Variants in SAE1 observed in about 807,000 individuals in gnomAD.
The protein encoded by SAE1 is SUMO-activating enzyme subunit 1.
Under a neutral mutation model 40.6 loss-of-function variants are expected in SAE1, and 11 were observed. The observed-to-expected ratio is 0.27, with a 90% CI of 0.17 to 0.45. The LOEUF (loss-of-function observed/expected upper bound fraction) is 0.45. Ranked by LOEUF, SAE1 falls within the 20% of genes least tolerant of loss-of-function variation. The pLI, the probability that SAE1 is intolerant of heterozygous loss-of-function variation, is 1.00. For synonymous variants in SAE1, 155 were observed against 154.3 expected, an observed-to-expected ratio of 1.00 and a Z score of -0.03; for missense variants, 373 against 427.3, an observed-to-expected ratio of 0.87 and a Z score of 1.12.
chr19:47,145,176 G>GT (rs1373628418), intron 2 of SAE1, among the ~76,000 whole-genome samples: 1 of 151,930 alleles, frequency 6.6e-6, no homozygotes, highest in Non-Finnish European at 1.5e-5. Context: ...CTAATTTAAC[G>GT]TTTTTAGTAG....
intron 6 of SAE1, among the ~76,000 whole-genome samples, chr19:47,194,324 T>C (rs930061130): frequency 6.6e-6 from 1 of 152,156 alleles, no homozygotes; most frequent in Admixed American, 6.6e-5. Flanking sequence ...GATGCTTCAG[T>C]CTGGGGTGGG....
rs2058707756 is a variant in SAE1, at chr19:47,210,358, C to A, written c.*1107C>A. On this transcript the variant is annotated 3_prime_UTR_variant, in exon 9 of 9. Transcript: ENST00000270225. ...CAGCAAGAGTTAAATTGTTCACATT[C>A]TAGAATGTGTAGAAGCTTCTGGCTC... 2 of 152,076 alleles carry A rather than the reference C, an allele frequency of 1.3e-5. No homozygotes were observed. Among genetic ancestry groups the A allele is most frequent in the South Asian group, 4.1e-4 (2 of 4,828 alleles). The allele number at this position is 152,076 out of a possible 1,614,324, so 9.4% of individuals were successfully genotyped here.
At chr19:47,158,754 T>G (rs1032667818) in intron 5 of SAE1, among the ~76,000 whole-genome samples, 13 of 152,182 alleles carry the variant, frequency 8.5e-5, no homozygotes, top group Admixed American at 1.3e-4. Flanking sequence ...GTTGTCCCCA[T>G]CTATAGCTGA....
chr19:47,167,215 A>G (rs2058399002), intron 5 of SAE1, among the ~76,000 whole-genome samples: 1 of 151,866 alleles, frequency 6.6e-6, no homozygotes, highest in Non-Finnish European at 1.5e-5. Flanking sequence ...TGGCCTCCCA[A>G]AATGCTAGGA....
chr19:47,178,659 G>A (rs1314698998), intron 6 of SAE1, among the ~76,000 whole-genome samples: 1 of 152,124 alleles, frequency 6.6e-6, no homozygotes, highest in East Asian at 1.9e-4. Context: ...TTTTAGTGGA[G>A]ACAGGGTTTC....
chr19:47,175,770 A>G (rs1157927390), intron 6 of SAE1, among the ~76,000 whole-genome samples: 2 of 152,164 alleles, frequency 1.3e-5, no homozygotes, highest in Non-Finnish European at 2.9e-5. Context: ...CTAAACTAAT[A>G]TATCTCATTA....
chr19:47,134,732 G>A (rs1171388689), intron 1 of SAE1, among the ~76,000 whole-genome samples: 1 of 152,100 alleles, frequency 6.6e-6, no homozygotes, highest in African/African-American at 2.4e-5. Context: ...ATGTAGTTAG[G>A]GAACTTTCAG....
At chr19:47,168,224 T>C (rs1208221633) in intron 5 of SAE1, among the ~76,000 whole-genome samples, 1 of 152,124 alleles carries the variant, frequency 6.6e-6, no homozygotes, top group Non-Finnish European at 1.5e-5. Context: ...AAAAACTGTT[T>C]TTTTGTATGT....
chr19:47,173,786 C>CTTT (rs749843235), intron 6 of SAE1, among the ~76,000 whole-genome samples: 48 of 141,046 alleles, frequency 3.4e-4, no homozygotes, highest in African/African-American at 6.5e-4. Flanking sequence ...TCTTTCTTTT[C>CTTT]TTTTTTTTTT....
At chr19:47,161,659 T>C (rs185134727) in intron 5 of SAE1, among the ~76,000 whole-genome samples, 62 of 152,326 alleles carry the variant, frequency 4.1e-4, no homozygotes, top group African/African-American at 1.4e-3. Context: ...TCGCTCACCA[T>C]CATAGACCTA....
intron 6 of SAE1, among the ~76,000 whole-genome samples, chr19:47,196,930 C>T (rs1270087666): frequency 6.6e-6 from 1 of 151,918 alleles, no homozygotes; most frequent in African/African-American, 2.4e-5. Context: ...CACCTGTAAT[C>T]CCAGCACTTT....
intron 2 of SAE1, 67 bp from the exon 3 acceptor site, chr19:47,150,135 A>G: frequency 8.4e-7 from 1 of 1,193,806 alleles, no homozygotes; most frequent in Non-Finnish European, 1.1e-6. Context: ...TAAAATTTAA[A>G]GATTCTTTTT....
At chr19:47,151,107 T>C (rs192431375) in intron 3 of SAE1, among the ~76,000 whole-genome samples, 7 of 152,250 alleles carry the variant, frequency 4.6e-5, no homozygotes, top group Non-Finnish European at 8.8e-5. Flanking sequence ...CCCCAGTATG[T>C]TACATGAGAG....
At position 47,209,581 on chromosome 19, in the gene SAE1, C is replaced by T; in HGVS notation, c.*330C>T. The T allele has an allele frequency of 2.6e-6, 1 of 378,534 alleles. No homozygotes were observed. Among genetic ancestry groups the T allele is most frequent in the Non-Finnish European group, 4.7e-6 (1 of 210,922 alleles). The allele number at this position is 378,534 out of a possible 1,614,324, so 23.4% of individuals were successfully genotyped here. ...ATGCTGTCCCGGCCTCGCCAGCCCT[C>T]TGGGGCATTGTGGGAGATGCCTGCC... On this transcript the variant is annotated 3_prime_UTR_variant, in exon 9 of 9. Transcript: ENST00000270225.
chr19:47,183,969 C>T (rs1342369709), intron 6 of SAE1, among the ~76,000 whole-genome samples: 1 of 152,148 alleles, frequency 6.6e-6, no homozygotes, highest in Non-Finnish European at 1.5e-5. Flanking sequence ...GCATTAGGGG[C>T]CCATGGAAGT....
Position 47,152,966 on chromosome 19 carries a change from C to G in SAE1, c.453C>G (p.Ile151Met), listed in dbSNP as rs139802996. ...ACCAGATCTGTCACAAAAATAGCAT[C>G]AAGTTCTTTACAGGAGATGTTTTTG... is the stretch of plus-strand genomic sequence containing the variant. Reference protein sequence around the residue: ...KVDQICHKNSIKFFTGDVFGY... With the variant: ...KVDQICHKNSMKFFTGDVFGY... The change falls in exon 4 of 9, where the codon ATC becomes ATG. Residue 151 changes from isoleucine (I) to methionine (M), a missense_variant. Physicochemically the swap from Ile to Met is conservative, Grantham distance 10. Coordinates refer to ENST00000270225, the MANE Select transcript of SAE1 (RefSeq NM_005500.3). 1 of 1,612,756 alleles carries G rather than the reference C, an allele frequency of 6.2e-7. No individual in the cohort carries two copies. Among genetic ancestry groups the G allele is most frequent in the African/African-American group, 1.3e-5 (1 of 74,866 alleles).
chr19:47,177,985 G>A (rs899767147), intron 6 of SAE1, among the ~76,000 whole-genome samples: 4 of 151,970 alleles, frequency 2.6e-5, no homozygotes, highest in African/African-American at 9.7e-5. Flanking sequence ...GCTCACGCCT[G>A]TAATCCCAGC....
intron 6 of SAE1, 51 bp from the exon 7 acceptor site, chr19:47,197,181 CA>C (rs372707074): frequency 0.081 from 105,155 of 1,301,830 alleles, no homozygotes; most frequent in South Asian, 0.12. Context: ...CCTCCATCTC[CA>C]AAAAAAAAAA....
chr19:47,205,256 T>G (rs1010075686), intron 8 of SAE1, among the ~76,000 whole-genome samples: 3 of 151,950 alleles, frequency 2.0e-5, no homozygotes, highest in African/African-American at 7.3e-5. Flanking sequence ...CACTTTGTCT[T>G]GGGGTCTGTA....
Sources: gnomAD v4.1 joint callset for allele counts (sites outside exome capture counted in the v4.1 genomes callset) on GRCh38, gnomAD v4.1.1 for gene constraint, MANE v1.5 for transcripts, NCBI Gene and HGNC (gene_info 2026-07-23, HGNC 2026-07-21) for gene names.